ZFHX3: variants seen among roughly 807,000 people sequenced by gnomAD.
The protein encoded by ZFHX3 is zinc finger homeobox 3, also known as zinc finger homeobox protein 3.
ZFHX3 carries 42 observed loss-of-function variants against 279.1 expected under a neutral mutation model. The observed-to-expected ratio is 0.15, with a 90% CI of 0.12 to 0.19. The LOEUF (loss-of-function observed/expected upper bound fraction) is 0.19, where lower values mean the gene tolerates loss of function less well. ZFHX3 is among the 10% of genes least tolerant of loss of function. The pLI, the probability that ZFHX3 is intolerant of heterozygous loss-of-function variation, is 1.00. For missense variants in ZFHX3, 4,981 were observed against 4,754.0 expected, an observed-to-expected ratio of 1.05 and a Z score of -1.40; for synonymous variants, 2,293 against 1,957.8, an observed-to-expected ratio of 1.17 and a Z score of -4.52.
At chr16:73,159,311 T>G (rs1207253782) in intron 5 of ZFHX3, among the ~76,000 whole-genome samples, 1 of 152,240 alleles carries the variant, frequency 6.6e-6, no homozygotes, top group Non-Finnish European at 1.5e-5. Context: ...TGGTCACGCA[T>G]TTTTCTCCCC....
intron 1 of ZFHX3, among the ~76,000 whole-genome samples, chr16:73,764,422 C>T (rs563706588): frequency 1.8e-4 from 28 of 152,128 alleles, no homozygotes; most frequent in Non-Finnish European, 2.1e-4. Context: ...CTCTAACGTC[C>T]ATCACAAAGA....
chr16:73,308,942 C>G (rs959689826), intron 4 of ZFHX3, among the ~76,000 whole-genome samples: 1 of 151,748 alleles, frequency 6.6e-6, no homozygotes, highest in Non-Finnish European at 1.5e-5. Flanking sequence ...TTTGGAGAAG[C>G]AGAATTACCA....
chr16:72,966,870 T>A (rs1048903892), intron 1 of ZFHX3, among the ~76,000 whole-genome samples: 1 of 152,184 alleles, frequency 6.6e-6, no homozygotes, highest in African/African-American at 2.4e-5. Flanking sequence ...ATTATCACAG[T>A]TCCCAAATGG....
At chr16:73,286,349 G>A (rs542055063) in intron 4 of ZFHX3, among the ~76,000 whole-genome samples, 2 of 152,366 alleles carry the variant, frequency 1.3e-5, no homozygotes, top group South Asian at 4.1e-4. Context: ...CAACAATTCA[G>A]AACCCTATAG....
intron 4 of ZFHX3, among the ~76,000 whole-genome samples, chr16:72,873,666 G>T (rs1450800614): frequency 6.6e-6 from 1 of 152,100 alleles, no homozygotes; most frequent in Non-Finnish European, 1.5e-5. Context: ...AAAAGCCTAA[G>T]TGCCTATTGT....
intron 5 of ZFHX3, among the ~76,000 whole-genome samples, chr16:73,231,120 A>T (rs1333043171): frequency 4.6e-5 from 7 of 152,206 alleles, no homozygotes; most frequent in Non-Finnish European, 7.4e-5. Flanking sequence ...ACCACCATCC[A>T]ATGGCCTGAG....
chr16:73,533,043 C>T (rs558946460), intron 2 of ZFHX3, among the ~76,000 whole-genome samples: 1 of 152,192 alleles, frequency 6.6e-6, no homozygotes, highest in South Asian at 2.1e-4. Context: ...ATCATAACAG[C>T]GTGAAAATGG....
chr16:73,093,663 C>A (rs976327149), intron 7 of ZFHX3: 4 of 430,574 alleles, frequency 9.3e-6, no homozygotes, highest in Non-Finnish European at 1.9e-5. Flanking sequence ...TACAGTTCGC[C>A]ATTACAGCGC....
chr16:73,380,032 C>T (rs187405969), intron 3 of ZFHX3, among the ~76,000 whole-genome samples: 3 of 151,920 alleles, frequency 2.0e-5, no homozygotes, highest in Non-Finnish European at 4.4e-5. Context: ...AGGGTGAAAA[C>T]GTAAAGTACA....
chr16:73,473,365 A>AAAAAAAC (rs2018708295), intron 2 of ZFHX3, among the ~76,000 whole-genome samples: 6 of 130,148 alleles, frequency 4.6e-5, no homozygotes, highest in African/African-American at 9.2e-5. Flanking sequence ...AAACAAAAAA[A>AAAAAAAC]AAAAAAACAA....
chr16:73,077,096 A>C (rs1377309726), intron 8 of ZFHX3, among the ~76,000 whole-genome samples: 2 of 152,186 alleles, frequency 1.3e-5, no homozygotes, highest in Non-Finnish European at 2.9e-5. Flanking sequence ...TCTAGGCCCC[A>C]GGATAGGAGC....
intron 1 of ZFHX3, among the ~76,000 whole-genome samples, chr16:73,859,118 G>C (rs993377238): frequency 5.9e-5 from 9 of 152,164 alleles, no homozygotes; most frequent in Non-Finnish European, 1.3e-4. Flanking sequence ...CCAACATGGG[G>C]AATTAGGATC....
intron 1 of ZFHX3, chr16:73,796,705 G>T (rs956558695): frequency 6.6e-6 from 1 of 152,324 alleles, no homozygotes; most frequent in African/African-American, 2.4e-5. Context: ...CTGCTGATGG[G>T]TTCCTTAATG....
intron 1 of ZFHX3, among the ~76,000 whole-genome samples, chr16:73,010,655 G>T (rs1429997140): frequency 6.6e-6 from 1 of 152,076 alleles, no homozygotes; most frequent in Non-Finnish European, 1.5e-5. Context: ...GACCGAGCTG[G>T]CAGCCAGAAG....
intron 5 of ZFHX3, among the ~76,000 whole-genome samples, chr16:73,229,722 G>A (rs768884675): frequency 9.2e-5 from 14 of 152,142 alleles, no homozygotes; most frequent in Non-Finnish European, 1.9e-4. Flanking sequence ...TAGTTTCCTT[G>A]TAATTTTTAA....
intron 3 of ZFHX3, among the ~76,000 whole-genome samples, chr16:72,892,330 A>G (rs894729180): frequency 6.6e-6 from 1 of 152,180 alleles, no homozygotes; most frequent in African/African-American, 2.4e-5. Flanking sequence ...TCTGCCCCCA[A>G]AATGGGTGAT....
chr16:73,176,716 G>A (rs1441273697), intron 5 of ZFHX3, among the ~76,000 whole-genome samples: 1 of 150,988 alleles, frequency 6.6e-6, no homozygotes, highest in Non-Finnish European at 1.5e-5. Flanking sequence ...GGGAAGGAAC[G>A]TGGCAGTGTG....
chr16:73,192,210 C>A (rs2144889794), intron 5 of ZFHX3, among the ~76,000 whole-genome samples: 1 of 152,294 alleles, frequency 6.6e-6, no homozygotes, highest in South Asian at 2.1e-4. Context: ...TCCCCAAACA[C>A]CCTATCCCAC....
rs1301054449 is a variant in ZFHX3 at position 72,796,940 on chromosome 16, C to T, written c.5742G>A (p.Lys1914=). The change falls in exon 9 of 10, where the codon AAG becomes AAA. Residue 1914 remains lysine, a synonymous_variant. Transcript: ENST00000268489. The stretch of plus-strand genomic sequence containing the variant: ...GTGCCAACTCTTTCTTCTCTTTGGC[C>T]TTCAAGGCATCTGGCAGTGTTTCCT... ...GPKETLPDAL[K]AKEKKELAPG... 6.2e-7 allele frequency: 1 copy of T among 1,613,994 alleles called. No homozygotes were observed. Among genetic ancestry groups the T allele is most frequent in the Non-Finnish European group, 8.5e-7 (1 of 1,180,002 alleles).
Sources: allele counts gnomAD v4.1 joint callset (sites outside exome capture counted in the v4.1 genomes callset), GRCh38; gene constraint gnomAD v4.1.1; transcripts MANE v1.5; gene names NCBI Gene and HGNC (gene_info 2026-07-23, HGNC 2026-07-21).